The following C9orf50 variants were observed in gnomAD, a reference collection of about 807,000 sequenced individuals.
C9orf50 encodes chromosome 9 open reading frame 50.
C9orf50 carries 33 observed loss-of-function variants against 42.5 expected under a neutral mutation model. That is an observed-to-expected ratio of 0.78 (90% CI 0.59 to 1.04). The LOEUF (loss-of-function observed/expected upper bound fraction) is 1.04, where lower values mean the gene tolerates loss of function less well. C9orf50 is among the 50% of genes least tolerant of loss of function. C9orf50 has a pLI of 0.00. For missense variants in C9orf50, 547 were observed against 594.3 expected, an observed-to-expected ratio of 0.92 and a Z score of 0.83; for synonymous variants, 257 against 273.4, an observed-to-expected ratio of 0.94 and a Z score of 0.59.
chr9:129,613,127 G>T lies in C9orf50; in HGVS notation c.1168C>A (p.Pro390Thr), dbSNP rs758988852. 13 of 1,613,780 alleles carry T rather than the reference G, an allele frequency of 8.1e-6. No homozygotes were observed. In the East Asian group the frequency reaches 2.9e-4, roughly 36 times the overall value. ...CCCACCTGCTCCAGGTTTCTGTGCG[G>T]GTCCAAGAAGGCTCGGAGGCTGCTT... Residue 390 changes from proline to threonine, a missense_variant, in exon 6 of 7, where the codon CCG (proline) becomes ACG (threonine). Around this residue, in one of 3 missense-constraint regions of C9orf50, gnomAD observed 334 missense variants for 323.7 expected, o/e 1.03. Coordinates refer to ENST00000372478, the Ensembl canonical transcript of C9orf50. The surrounding 1 kb of genome is among the most constrained non-coding windows in gnomAD (Gnocchi z 6.2).
chr9:129,617,827 G>A (rs1030831618), intron 3 of C9orf50, among the ~76,000 whole-genome samples: 4 of 152,124 alleles, frequency 2.6e-5, no homozygotes, highest in Non-Finnish European at 5.9e-5. Flanking sequence ...GGAACCACAG[G>A]CATGCACCAC....
rs758140974 is a variant in C9orf50 at position 129,613,064 on chromosome 9, G to A, written c.1188+43C>T. 1.5e-5 allele frequency: 24 copies of A among 1,610,988 alleles called. No homozygotes were observed. The South Asian group carries it at 1.7e-4, about 11-fold the overall frequency. ...GCTCCCGGAGCCAGCTGCCAGCAGG[G>A]GCTCACCAGCTTCTAGGTCCAGGAG... On this transcript the variant is annotated intron_variant, in intron 6 of 6. Transcript: ENST00000372478. The surrounding 1 kb of genome is among the most constrained non-coding windows in gnomAD (Gnocchi z 6.2).
chr9:129,621,206 C>T (rs923073313), upstream of C9orf50, among the ~76,000 whole-genome samples: 6 of 152,232 alleles, frequency 3.9e-5, no homozygotes, highest in African/African-American at 1.4e-4. Flanking sequence ...GGAAGAGAGA[C>T]CTGACCAGCA....
At chr9:129,621,262 C>G (rs1379121868), upstream of C9orf50, among the ~76,000 whole-genome samples, 1 of 152,214 alleles carries the variant, frequency 6.6e-6, no homozygotes, top group Non-Finnish European at 1.5e-5. Context: ...GGTGGGGAGC[C>G]TGTTGAAAAT....
rs186835280 is a variant in C9orf50, at chr9:129,612,357, T to C, written c.1286A>G (p.Asp429Gly). The change falls in exon 7 of 7, where the codon GAT becomes GGT. Residue 429 changes from aspartate to glycine, a missense_variant. Physicochemically the swap from Asp to Gly is moderately conservative, Grantham distance 94. Transcript: ENST00000372478. ...TGGGTTCGCGAGTGTTCACCTCTTATCTGGCTGCAGTGTTGCGGAGGCCAG... is the reference window on the plus strand; with the variant it reads ...TGGGTTCGCGAGTGTTCACCTCTTACCTGGCTGCAGTGTTGCGGAGGCCAG... The C allele has an allele frequency of 2.0e-5, 33 of 1,613,694 alleles. No homozygotes were observed. In the East Asian group the frequency reaches 7.1e-4, roughly 35 times the overall value.
In C9orf50 at chr9:129,620,216, C is replaced by A; in HGVS notation, c.359G>T (p.Gly120Val). 7.3e-7 allele frequency: 1 copy of A among 1,369,892 alleles called. No homozygotes were observed. The highest frequency in any genetic ancestry group is 1.8e-5 in the South Asian group (1 of 55,392). The allele number at this position is 1,369,892 out of a possible 1,614,324, so 84.9% of individuals were successfully genotyped here. The change falls in exon 1 of 7, where the codon GGG becomes GTG. Residue 120 changes from glycine (G) to valine (V), a missense_variant. Physicochemically the swap from Gly to Val is moderately radical, Grantham distance 109 (BLOSUM62 -3). This residue lies in a region of C9orf50 where 108 missense variants were observed against 172.1 expected (regional missense o/e 0.63). Coordinates refer to ENST00000372478, the Ensembl canonical transcript of C9orf50. The surrounding 1 kb of genome is among the most constrained non-coding windows in gnomAD (Gnocchi z 5.8). The stretch of plus-strand genomic sequence containing the variant: ...CCGGGGGCGCTCGCGCTCTCCAGGC[C>A]CTGGCTGCCTGGGCGCCGATTCCCG...
chr9:129,620,478 G>A lies in C9orf50; in HGVS notation c.97C>T (p.Pro33Ser). Residue 33 changes from proline (P) to serine (S), a missense_variant, in exon 1 of 7, where the codon CCC becomes TCC. Around this residue, in one of 3 missense-constraint regions of C9orf50, gnomAD observed 105 missense variants for 98.5 expected, o/e 1.07. Coordinates refer to ENST00000372478, the Ensembl canonical transcript of C9orf50. This position sits in a 1 kb window ranked among gnomAD's most constrained non-coding sequence, Gnocchi z 5.8. ...CGGAGCGCGGGCGGGGTCAGCTTGG[G>A]CAGCCGCGGGTCGCTGCTGCGTCGG... 2 of 1,378,822 alleles carry A rather than the reference G, an allele frequency of 1.5e-6. No individual in the cohort carries two copies. Among genetic ancestry groups the A allele is most frequent in the Non-Finnish European group, 1.9e-6 (2 of 1,061,096 alleles). 85.4% of individuals were successfully genotyped at this position (1,378,822 alleles called of 1,614,324 possible).
chr9:129,621,149 G>T (rs573561643), upstream of C9orf50, among the ~76,000 whole-genome samples: 10 of 152,328 alleles, frequency 6.6e-5, no homozygotes, highest in African/African-American at 2.4e-4. Context: ...AACTGTTACC[G>T]TCATTAGCGC....
chr9:129,621,629 A>G (rs549806473), upstream of C9orf50, among the ~76,000 whole-genome samples: 2 of 152,298 alleles, frequency 1.3e-5, no homozygotes, highest in African/African-American at 2.4e-5. Flanking sequence ...TGGCCTCCCA[A>G]AGTGCTGGGA....
In C9orf50 at chr9:129,614,355, G is replaced by C. The variant is rs995905971; in HGVS notation, c.881-758C>G. Among the ~76,000 whole-genome samples the C allele has an allele frequency of 6.6e-6, 1 of 152,198 alleles. No individual in the cohort carries two copies. The highest frequency in any genetic ancestry group is 1.5e-5 in the Non-Finnish European group (1 of 68,038). ...CTGTCACGCTAAGGAGGCTGCGTCAGATCCCTCCCAAATCAGCGAAGGTCC... is the reference window on the plus strand; with the variant it reads ...CTGTCACGCTAAGGAGGCTGCGTCACATCCCTCCCAAATCAGCGAAGGTCC... On this transcript the variant is annotated intron_variant, in intron 4 of 6. Transcript: ENST00000372478. This position sits in a 1 kb window ranked among gnomAD's most constrained non-coding sequence, Gnocchi z 4.4.
In C9orf50 at chr9:129,613,635, A is replaced by T. The variant is rs1368434543; in HGVS notation, c.881-38T>A. 1.2e-6 allele frequency: 2 copies of T among 1,612,034 alleles called. No homozygotes were observed. The highest frequency in any genetic ancestry group is 4.5e-5 in the East Asian group (2 of 44,860). Reference sequence around the variant, plus strand: ...GGGCAGGGTGAGATCTCTGCCCAGGAGGAGGGCACTGGTGCCCCCACCCTC... The same window carrying T: ...GGGCAGGGTGAGATCTCTGCCCAGGTGGAGGGCACTGGTGCCCCCACCCTC... On this transcript the variant is annotated intron_variant, in intron 4 of 6. Transcript: ENST00000372478. The surrounding 1 kb of genome is among the most constrained non-coding windows in gnomAD (Gnocchi z 6.2).
chr9:129,612,551 G>T, intron 6 of C9orf50, 97 bp from the exon 7 acceptor site: 2 of 896,934 alleles, frequency 2.2e-6, no homozygotes, highest in Non-Finnish European at 1.8e-6. Flanking sequence ...TGTTGGGCAG[G>T]TAGTGCTGTC....
In C9orf50 at chr9:129,613,574, G is replaced by A; in HGVS notation, c.904C>T (p.Gln302Ter). The change falls in exon 5 of 7, where the codon CAG becomes TAG. Residue 302 changes from glutamine (Q) to a stop codon, truncating the protein, a stop_gained. Coordinates refer to ENST00000372478, the Ensembl canonical transcript of C9orf50. LOFTEE classifies it high-confidence loss of function. This position sits in a 1 kb window ranked among gnomAD's most constrained non-coding sequence, Gnocchi z 6.2. Reference sequence around the variant, plus strand: ...GACGCCACTGGCAGGGCGGCCTTCTGGTTCACAATGACGCTCTGTTGGACT... The same window carrying A: ...GACGCCACTGGCAGGGCGGCCTTCTAGTTCACAATGACGCTCTGTTGGACT... 1 of 1,614,136 alleles carries A rather than the reference G, an allele frequency of 6.2e-7. No individual in the cohort carries two copies. The highest frequency in any genetic ancestry group is 8.5e-7 in the Non-Finnish European group (1 of 1,180,010).
chr9:129,615,638 G>A (rs1438593785), exon 4 of C9orf50: 64 of 1,565,088 alleles, frequency 4.1e-5, no homozygotes, highest in Non-Finnish European at 5.0e-5. Flanking sequence ...CCTGTGCACC[G>A]TGGGGCCTGC....
At chr9:129,621,529 G>A (rs1564340539), upstream of C9orf50, among the ~76,000 whole-genome samples, 1 of 152,134 alleles carries the variant, frequency 6.6e-6, no homozygotes, top group Admixed American at 6.5e-5. Flanking sequence ...GCTAATTTTT[G>A]TATATTTTGT....
At chr9:129,615,684 C>G in intron 3 of C9orf50, 37 bp from the exon 4 acceptor site, 1 of 1,490,792 alleles carries the variant, frequency 6.7e-7, no homozygotes, top group South Asian at 1.3e-5. Context: ...TCGAAGCCCC[C>G]CACCGTACCC....
In C9orf50 at chr9:129,620,241, G is replaced by A; in HGVS notation, c.334C>T (p.Arg112Trp). The A allele has an allele frequency of 2.2e-6, 3 of 1,341,758 alleles. No individual in the cohort carries two copies. The highest frequency in any genetic ancestry group is 4.0e-5 in the South Asian group (2 of 50,194). The allele number at this position is 1,341,758 out of a possible 1,614,324, so 83.1% of individuals were successfully genotyped here. The change falls in exon 1 of 7, where the codon CGG becomes TGG. Residue 112 changes from arginine (R) to tryptophan (W), a missense_variant. Around this residue, in one of 3 missense-constraint regions of C9orf50, gnomAD observed 108 missense variants for 172.1 expected, o/e 0.63. Transcript: ENST00000372478. This position sits in a 1 kb window ranked among gnomAD's most constrained non-coding sequence, Gnocchi z 5.8. ...CCTGGCTGCCTGGGCGCCGATTCCC[G>A]GGACGCGCCGGCCGACAGCAGGGGA...
rs1280766989 is a variant in C9orf50, at chr9:129,620,240, C to A, written c.335G>T (p.Arg112Leu). 3 of 1,338,756 alleles carry A rather than the reference C, an allele frequency of 2.2e-6. No individual in the cohort carries two copies. Among genetic ancestry groups the A allele is most frequent in the Non-Finnish European group, 1.9e-6 (2 of 1,038,836 alleles). The allele number at this position is 1,338,756 out of a possible 1,614,324, so 82.9% of individuals were successfully genotyped here. The change falls in exon 1 of 7, where the codon CGG becomes CTG. Residue 112 changes from arginine to leucine, a missense_variant. Around this residue, in one of 3 missense-constraint regions of C9orf50, gnomAD observed 108 missense variants for 172.1 expected, o/e 0.63. Transcript: ENST00000372478. This position sits in a 1 kb window ranked among gnomAD's most constrained non-coding sequence, Gnocchi z 5.8. ...CCCTGGCTGCCTGGGCGCCGATTCC[C>A]GGGACGCGCCGGCCGACAGCAGGGG...
exon 3 of C9orf50, chr9:129,619,532 C>A: frequency 6.2e-7 from 1 of 1,613,578 alleles, no homozygotes; most frequent in Non-Finnish European, 8.5e-7. Flanking sequence ...GTTGGCCTTT[C>A]TGACAGTGGT....
Sources: gnomAD v4.1 joint callset for allele counts (sites outside exome capture counted in the v4.1 genomes callset) on GRCh38, gnomAD v4.1.1 for gene constraint, gnomAD v4.1.1 regional missense constraint, Gnocchi (gnomAD v3.1) non-coding constraint, MANE v1.5 for transcripts, NCBI Gene and HGNC (gene_info 2026-07-23, HGNC 2026-07-21) for gene names.